The following DLGAP2 variants were observed in gnomAD, a reference collection of about 807,000 sequenced individuals.
DLGAP2 encodes the protein DLG associated protein 2, also known as disks large-associated protein 2.
In DLGAP2, 26 loss-of-function variants were observed where a neutral mutation model predicts 100.3. The ratio of observed to expected loss-of-function variants is 0.26; its 90% CI spans 0.19 to 0.36. The LOEUF is 0.36. DLGAP2 is among the 10% of genes least tolerant of loss of function. The pLI, the probability that DLGAP2 is intolerant of heterozygous loss-of-function variation, is 1.00. For synonymous variants in DLGAP2, 886 were observed against 630.1 expected, an observed-to-expected ratio of 1.41 and a Z score of -6.08; for missense variants, 1,858 against 1,453.2, an observed-to-expected ratio of 1.28 and a Z score of -4.53.
intron 5 of DLGAP2, among the ~76,000 whole-genome samples, chr8:1,559,364 A>G (rs1563220807): frequency 6.6e-6 from 1 of 152,306 alleles, no homozygotes; most frequent in East Asian, 1.9e-4. Flanking sequence ...ATGCTGTAAC[A>G]TAACGGAGAG....
intron 3 of DLGAP2, among the ~76,000 whole-genome samples, chr8:1,455,999 GC>G (rs1433492759): frequency 1.3e-5 from 2 of 152,194 alleles, no homozygotes; most frequent in East Asian, 3.9e-4. Flanking sequence ...AAGACCTGAT[GC>G]CCCATGATGC....
At chr8:1,030,858 A>G (rs1801951279) in intron 2 of DLGAP2, among the ~76,000 whole-genome samples, 1 of 152,168 alleles carries the variant, frequency 6.6e-6, no homozygotes, top group Non-Finnish European at 1.5e-5. Flanking sequence ...TCCTGGAGGA[A>G]AGAGACAAAA....
chr8:1,293,272 G>C (rs1800100699), intron 3 of DLGAP2, among the ~76,000 whole-genome samples: 1 of 152,178 alleles, frequency 6.6e-6, no homozygotes, highest in Non-Finnish European at 1.5e-5. Flanking sequence ...CAGTGCAGGG[G>C]GACTCAGGAG....
chr8:1,635,932 G>C (rs1797755061), intron 8 of DLGAP2, among the ~76,000 whole-genome samples: 1 of 152,176 alleles, frequency 6.6e-6, no homozygotes, highest in Non-Finnish European at 1.5e-5. Flanking sequence ...AGCTGAGACA[G>C]ACCCTTTTAA....
At position 1,514,264 on chromosome 8, in the gene DLGAP2, A is replaced by AT. The variant is rs769978949; in HGVS notation, c.172+12839dup. Among the ~76,000 whole-genome samples, 8 of 152,142 alleles carry AT rather than the reference A, an allele frequency of 5.3e-5. No individual in the cohort carries two copies. In the East Asian group the frequency reaches 1.3e-3, roughly 26 times the overall value. ...CTGCCTGAATTTAAATGCAACTCTCATTTTTTCTTATGCGACTATTCCCAG... is the reference window on the plus strand; with the variant it reads ...CTGCCTGAATTTAAATGCAACTCTCATTTTTTTCTTATGCGACTATTCCCAG... On this transcript the variant is annotated intron_variant, in intron 4 of 14. Coordinates refer to ENST00000637795, the MANE Select transcript of DLGAP2 (RefSeq NM_001346810.2).
At chr8:1,227,537 A>G (rs1798447579) in intron 2 of DLGAP2, among the ~76,000 whole-genome samples, 1 of 150,634 alleles carries the variant, frequency 6.6e-6, no homozygotes, top group South Asian at 2.1e-4. Context: ...TCTGTCGCCC[A>G]GACTGGAGTG....
intron 4 of DLGAP2, among the ~76,000 whole-genome samples, chr8:1,528,236 A>C (rs1281870508): frequency 6.6e-6 from 1 of 152,160 alleles, no homozygotes; most frequent in East Asian, 1.9e-4. Flanking sequence ...TCCTCAGGCC[A>C]CTGGCCAGGT....
intron 2 of DLGAP2, among the ~76,000 whole-genome samples, chr8:1,127,248 G>T (rs1436581885): frequency 6.6e-6 from 1 of 151,668 alleles, no homozygotes; most frequent in African/African-American, 2.4e-5. Context: ...AGGAATTGAA[G>T]ATTTTTGTAG....
chr8:1,242,509 G>A (rs898794151), intron 2 of DLGAP2, among the ~76,000 whole-genome samples: 25 of 152,134 alleles, frequency 1.6e-4, no homozygotes, highest in Admixed American at 1.3e-4. Flanking sequence ...CACCAACCCC[G>A]CCCACTTCCT....
At chr8:1,257,083 G>A (rs1289999837) in intron 2 of DLGAP2, among the ~76,000 whole-genome samples, 2 of 152,028 alleles carry the variant, frequency 1.3e-5, no homozygotes, top group African/African-American at 4.8e-5. Flanking sequence ...GGCAGGTGCA[G>A]TCAGATGTGT....
rs114015480 is a variant in DLGAP2 at position 1,597,899 on chromosome 8, C to G, written c.1443-28841C>G. The stretch of plus-strand genomic sequence containing the variant: ...TGATTGTCCTGACCAGAACATCCAT[C>G]ACTATGTTGAATAGGAATGGTGAGA... On this transcript the variant is annotated intron_variant, in intron 6 of 14. Coordinates refer to ENST00000637795, the MANE Select transcript of DLGAP2 (RefSeq NM_001346810.2). 4.3e-3 allele frequency among the ~76,000 whole-genome samples: 650 copies of G among 152,270 alleles called. 3 individuals are homozygous for G. The highest frequency in any genetic ancestry group is 0.014 in the African/African-American group (597 of 41,552).
chr8:1,017,614 G>C (rs1295081074), intron 2 of DLGAP2, among the ~76,000 whole-genome samples: 1 of 144,992 alleles, frequency 6.9e-6, no homozygotes, highest in East Asian at 1.9e-4. Context: ...GACAGACGGC[G>C]CCTCCACTGT....
intron 1 of DLGAP2, among the ~76,000 whole-genome samples, chr8:857,338 A>T (rs905661701): frequency 6.6e-6 from 1 of 152,178 alleles, no homozygotes; most frequent in East Asian, 1.9e-4. Context: ...TTGAAATTGG[A>T]CTTCATTAAA....
chr8:1,390,463 C>G (rs1244667346), intron 3 of DLGAP2, among the ~76,000 whole-genome samples: 1 of 152,124 alleles, frequency 6.6e-6, no homozygotes, highest in Non-Finnish European at 1.5e-5. Context: ...GGGTTAGTTC[C>G]AGGCCCACCT....
intron 3 of DLGAP2, among the ~76,000 whole-genome samples, chr8:1,460,513 C>A (rs1482423518): frequency 6.6e-6 from 1 of 152,212 alleles, no homozygotes; most frequent in African/African-American, 2.4e-5. Context: ...TCTGTCACGG[C>A]TGCCTTCCTG....
At chr8:1,606,452 C>T (rs1238618435) in intron 6 of DLGAP2, among the ~76,000 whole-genome samples, 1 of 152,204 alleles carries the variant, frequency 6.6e-6, no homozygotes, top group African/African-American at 2.4e-5. Context: ...AACCTGCATT[C>T]TCCCTGTCGT....
chr8:1,201,691 C>T (rs953436587), intron 2 of DLGAP2, among the ~76,000 whole-genome samples: 3 of 152,194 alleles, frequency 2.0e-5, no homozygotes, highest in African/African-American at 7.2e-5. Context: ...TGGTCCAGGC[C>T]GTGGGATCCA....
At position 1,258,731 on chromosome 8, in the gene DLGAP2, T is replaced by C. The variant is rs565645178; in HGVS notation, c.74-120T>C. The C allele has an allele frequency of 3.6e-6, 3 of 840,310 alleles. No individual in the cohort carries two copies. In the South Asian group the frequency reaches 1.9e-4, roughly 53 times the overall value. 52.1% of individuals were successfully genotyped at this position (840,310 alleles called of 1,614,324 possible). A position where few individuals can be genotyped will look rare whatever the true frequency, so the allele number is the denominator to read the frequency against. On this transcript the variant is annotated intron_variant, in intron 2 of 14. Transcript: ENST00000637795. Reference sequence around the variant, plus strand: ...TGTTTATGGAAGGGTCCACTGGCTCTGGTGTGGTCAAGCGGCGTCATCTTA... The same window carrying C: ...TGTTTATGGAAGGGTCCACTGGCTCCGGTGTGGTCAAGCGGCGTCATCTTA...
chr8:1,027,463 T>G (rs1347093556), intron 2 of DLGAP2, among the ~76,000 whole-genome samples: 60 of 104,808 alleles, frequency 5.7e-4, no homozygotes, highest in East Asian at 3.1e-3. Flanking sequence ...TATTCTCCAG[T>G]TGGGGTGTCA....
Sources: gnomAD v4.1 joint callset for allele counts (sites outside exome capture counted in the v4.1 genomes callset) on GRCh38, gnomAD v4.1.1 for gene constraint, MANE v1.5 for transcripts, NCBI Gene and HGNC (gene_info 2026-07-23, HGNC 2026-07-21) for gene names.